The following ERBB4 variants were observed in gnomAD, a reference collection of about 807,000 sequenced individuals.
ERBB4 encodes receptor tyrosine-protein kinase erbB-4.
A neutral mutation model predicts 158.0 loss-of-function variants in ERBB4; 42 were observed. The ratio of observed to expected loss-of-function variants is 0.27; its 90% confidence interval spans 0.21 to 0.34. The LOEUF is 0.34. Among genes scored for constraint, ERBB4 ranks in the 10% least tolerant of loss-of-function variants. ERBB4 has a pLI of 1.00. For missense variants in ERBB4, 1,333 were observed against 1,624.1 expected, an observed-to-expected ratio of 0.82 and a Z score of 3.08; for synonymous variants, 583 against 558.7, an observed-to-expected ratio of 1.04 and a Z score of -0.61.
intron 20 of ERBB4, among the ~76,000 whole-genome samples, chr2:211,545,531 ATCAT>A (rs1468744578): frequency 2.0e-5 from 3 of 152,098 alleles, no homozygotes; most frequent in Non-Finnish European, 2.9e-5. Context: ...GATGGGATAA[ATCAT>A]TCATTTTATT....
intron 1 of ERBB4, among the ~76,000 whole-genome samples, chr2:212,441,617 G>T (rs2092255286): frequency 3.3e-5 from 5 of 152,158 alleles, no homozygotes; most frequent in Admixed American, 3.3e-4. Flanking sequence ...GGAACATAGA[G>T]TTGGATCAGG....
chr2:211,603,469 T>C (rs1214253718), intron 19 of ERBB4, among the ~76,000 whole-genome samples: 1 of 152,046 alleles, frequency 6.6e-6, no homozygotes, highest in Non-Finnish European at 1.5e-5. Context: ...AAATCATCCA[T>C]TACAAAAGGT....
chr2:211,891,932 A>G (rs2078979917), intron 3 of ERBB4, among the ~76,000 whole-genome samples: 1 of 137,232 alleles, frequency 7.3e-6, no homozygotes, highest in Admixed American at 7.3e-5. Flanking sequence ...ACCAACCAAA[A>G]AGAGTCCAGG....
At chr2:211,855,509 G>C (rs913722987) in intron 3 of ERBB4, among the ~76,000 whole-genome samples, 1 of 152,052 alleles carries the variant, frequency 6.6e-6, no homozygotes, top group African/African-American at 2.4e-5. Context: ...TCTATGGTGT[G>C]AGATTTGAAT....
At chr2:211,548,671 T>C (rs2067003818) in intron 20 of ERBB4, among the ~76,000 whole-genome samples, 1 of 152,016 alleles carries the variant, frequency 6.6e-6, no homozygotes, top group Non-Finnish European at 1.5e-5. Flanking sequence ...AACCGTGACC[T>C]TACCTGGACT....
chr2:212,440,655 A>C (rs977627485), intron 1 of ERBB4, among the ~76,000 whole-genome samples: 1 of 152,114 alleles, frequency 6.6e-6, no homozygotes, highest in South Asian at 2.1e-4. Context: ...CTAGACCCCA[A>C]AATGCTATGG....
intron 1 of ERBB4, among the ~76,000 whole-genome samples, chr2:212,129,393 A>G (rs987568325): frequency 2.0e-5 from 3 of 151,374 alleles, no homozygotes; most frequent in Non-Finnish European, 4.4e-5. Context: ...CCCATTCTAC[A>G]TATATAAAAA....
intron 1 of ERBB4, among the ~76,000 whole-genome samples, chr2:212,128,215 T>A (rs1037948093): frequency 2.0e-5 from 3 of 152,144 alleles, no homozygotes; most frequent in African/African-American, 7.2e-5. Context: ...ATCTTTAATA[T>A]CCATTTTCCA....
At chr2:212,018,839 A>G (rs930697394) in intron 2 of ERBB4, among the ~76,000 whole-genome samples, 2 of 152,154 alleles carry the variant, frequency 1.3e-5, no homozygotes, top group Non-Finnish European at 2.9e-5. Flanking sequence ...AGAACATTCA[A>G]ATTGGGCAAT....
At chr2:211,961,999 G>A (rs1381465603) in intron 2 of ERBB4, among the ~76,000 whole-genome samples, 2 of 152,078 alleles carry the variant, frequency 1.3e-5, no homozygotes, top group African/African-American at 4.8e-5. Flanking sequence ...TACTTTTGGG[G>A]AGAAAAGCAT....
intron 1 of ERBB4, among the ~76,000 whole-genome samples, chr2:212,450,882 T>C (rs142976602): frequency 0.012 from 1,777 of 150,492 alleles, 34 homozygotes; most frequent in African/African-American, 0.041. Flanking sequence ...TCACAGCACT[T>C]TGGGAGGCCA....
At chr2:211,440,252 G>A (rs1188296019) in intron 20 of ERBB4, among the ~76,000 whole-genome samples, 4 of 152,162 alleles carry the variant, frequency 2.6e-5, no homozygotes, top group African/African-American at 9.7e-5. Flanking sequence ...CTCTCACAGG[G>A]AGGTGTACTT....
chr2:211,905,283 T>C lies in ERBB4; in HGVS notation c.421+42147A>G, dbSNP rs72933734. On this transcript the variant is annotated intron_variant, in intron 3 of 27. Transcript: ENST00000342788. ...TCCTTCCATCTCCAAAGCCTTCTCA[T>C]GTTGCCATGACTCTGTTCTCCCCTT... Among the ~76,000 whole-genome samples, 1,174 of 152,118 alleles carry C rather than the reference T, an allele frequency of 7.7e-3. 9 individuals carry two copies. Among genetic ancestry groups the C allele is most frequent in the Middle Eastern group, 0.014 (4 of 294 alleles).
chr2:211,624,090 G>T lies in ERBB4; in HGVS notation c.2080-46C>A, dbSNP rs753680085. The stretch of plus-strand genomic sequence containing the variant: ...GGTTATACTTTCAGTCCGATAGTCA[G>T]TCCTCTCTCTCTGTCTCTCTCTCTC... On this transcript the variant is annotated intron_variant, in intron 17 of 27. Coordinates refer to ENST00000342788, the MANE Select transcript of ERBB4 (RefSeq NM_005235.3). 6.2e-6 allele frequency: 10 copies of T among 1,612,396 alleles called. No homozygotes were observed. The South Asian group carries it at 6.6e-5, about 11-fold the overall frequency.
In ERBB4 at chr2:212,264,998, C is replaced by A. The variant is rs548828200; in HGVS notation, c.83-140095G>T. Among the ~76,000 whole-genome samples, 4 of 151,992 alleles carry A rather than the reference C, an allele frequency of 2.6e-5. No homozygotes were observed. The South Asian group carries it at 6.2e-4, about 24-fold the overall frequency. On this transcript the variant is annotated intron_variant, in intron 1 of 27. Transcript: ENST00000342788. ...TGCCTCCTACTGTCTCTATTCTTCC[C>A]CTGGAAAATCCCCTATGTGGAGAGG...
intron 17 of ERBB4, 73 bp downstream of exon 17, chr2:211,630,389 T>C (rs1393613483): frequency 1.2e-5 from 19 of 1,566,784 alleles, no homozygotes; most frequent in Middle Eastern, 1.8e-4. Flanking sequence ...GATTAAATAA[T>C]TGAACATCAT....
chr2:212,282,026 C>T (rs1179240117), intron 1 of ERBB4, among the ~76,000 whole-genome samples: 1 of 151,626 alleles, frequency 6.6e-6, no homozygotes, highest in Non-Finnish European at 1.5e-5. Flanking sequence ...GATAACATGC[C>T]CAACATTGCA....
At chr2:211,646,026 G>T (rs1041699032) in intron 16 of ERBB4, among the ~76,000 whole-genome samples, 2 of 151,418 alleles carry the variant, frequency 1.3e-5, no homozygotes, top group African/African-American at 4.8e-5. Flanking sequence ...TGATACTAGG[G>T]AATACTAGGC....
intron 3 of ERBB4, among the ~76,000 whole-genome samples, chr2:211,828,301 C>T (rs933322478): frequency 1.3e-5 from 2 of 152,052 alleles, no homozygotes; most frequent in South Asian, 2.1e-4. Flanking sequence ...TACGTATTAA[C>T]GAGGATGGTT....
Sources: allele counts gnomAD v4.1 joint callset (sites outside exome capture counted in the v4.1 genomes callset), GRCh38; gene constraint gnomAD v4.1.1; transcripts MANE v1.5; gene names NCBI Gene and HGNC (gene_info 2026-07-23, HGNC 2026-07-21).